ST18: variants seen among roughly 807,000 people sequenced by gnomAD.
ST18 encodes suppression of tumorigenicity 18 protein.
In ST18, 50 loss-of-function variants were observed where a neutral mutation model predicts 110.0. The observed-to-expected ratio is 0.45, with a 90% CI of 0.36 to 0.58. The LOEUF (loss-of-function observed/expected upper bound fraction) is 0.58. ST18 is among the 20% of genes least tolerant of loss of function. The pLI is 0.00. For synonymous variants in ST18, 461 were observed against 452.4 expected (o/e 1.02, Z -0.24); for missense variants, 1,306 against 1,280.1 (o/e 1.02, Z -0.31).
At chr8:52,301,378 T>C (rs1184205182) in intron 2 of ST18, among the ~76,000 whole-genome samples, 1 of 152,206 alleles carries the variant, frequency 6.6e-6, no homozygotes, top group Non-Finnish European at 1.5e-5. Flanking sequence ...TATAAACAAG[T>C]ACTATCTTCT....
chr8:52,195,883 A>T (rs1433769258), intron 8 of ST18, among the ~76,000 whole-genome samples: 2 of 152,196 alleles, frequency 1.3e-5, no homozygotes, highest in African/African-American at 4.8e-5. Context: ...ATGCCACAAT[A>T]ATGGGGGATA....
chr8:52,167,992 T>C (rs773954025), intron 10 of ST18, among the ~76,000 whole-genome samples: 6 of 151,916 alleles, frequency 3.9e-5, no homozygotes, highest in Non-Finnish European at 8.8e-5. Flanking sequence ...CTAACACAGA[T>C]GAGGCCTTAT....
chr8:52,120,377 A>G (rs1316084426), intron 23 of ST18, among the ~76,000 whole-genome samples: 2 of 152,200 alleles, frequency 1.3e-5, no homozygotes, highest in South Asian at 2.1e-4. Flanking sequence ...TTCTTACATA[A>G]TATCTGGTGA....
Position 52,124,421 on chromosome 8 carries a change from G to A in ST18, c.2755+1631C>T, listed in dbSNP as rs145680898. Among the ~76,000 whole-genome samples the A allele has an allele frequency of 7.9e-4, 120 of 152,080 alleles. No homozygotes were observed. In the East Asian group the frequency reaches 0.017, roughly 21 times the overall value. ...GATCTCCTGATCTCGTGATCTGCCC[G>A]CCTCGGCCTCCCAAAGTGCTGGGAT... is the stretch of plus-strand genomic sequence containing the variant. On this transcript the variant is annotated intron_variant, in intron 23 of 25. Coordinates refer to ENST00000689386, the MANE Select transcript of ST18 (RefSeq NM_001352837.2).
At chr8:52,170,285 G>A (rs1451272736) in intron 10 of ST18, among the ~76,000 whole-genome samples, 3 of 152,164 alleles carry the variant, frequency 2.0e-5, no homozygotes, top group Middle Eastern at 3.4e-3. Context: ...GGGAAACCCC[G>A]TCTCTACTGA....
chr8:52,303,246 T>C (rs2095758054), intron 2 of ST18, among the ~76,000 whole-genome samples: 1 of 152,266 alleles, frequency 6.6e-6, no homozygotes, highest in Non-Finnish European at 1.5e-5. Context: ...TGCCATTTCT[T>C]GCCTCCAGTG....
At chr8:52,115,561 T>C (rs1357968993) in intron 25 of ST18, among the ~76,000 whole-genome samples, 3 of 152,142 alleles carry the variant, frequency 2.0e-5, no homozygotes, top group South Asian at 4.1e-4. Context: ...GCTGCACAGG[T>C]GGGTAACCTC....
chr8:52,134,005 A>G (rs1407464099), intron 19 of ST18, among the ~76,000 whole-genome samples: 5 of 152,208 alleles, frequency 3.3e-5, no homozygotes, highest in African/African-American at 1.2e-4. Flanking sequence ...CTCTGGGATT[A>G]CAGGCGTGAG....
At position 52,111,998 on chromosome 8, in the gene ST18, G is replaced by A. The variant is rs963047757; in HGVS notation, c.*1200C>T. ...TGTGTGTGAGTATGCCTGTGTGTGT[G>A]AGTGTGTGTGTATATTTTGTAGCAT... On this transcript the variant is annotated 3_prime_UTR_variant, in exon 26 of 26. Transcript: ENST00000689386. 1 of 152,244 alleles carries A rather than the reference G, an allele frequency of 6.6e-6. No individual in the cohort carries two copies. Among genetic ancestry groups the A allele is most frequent in the African/African-American group, 2.4e-5 (1 of 41,260 alleles). 9.4% of individuals were successfully genotyped at this position (152,244 alleles called of 1,614,324 possible).
chr8:52,174,855 C>T (rs933063621), intron 9 of ST18, among the ~76,000 whole-genome samples: 4 of 152,164 alleles, frequency 2.6e-5, no homozygotes, highest in African/African-American at 7.2e-5. Context: ...CAGGCTTTCA[C>T]TGGAGTCATA....
intron 23 of ST18, among the ~76,000 whole-genome samples, chr8:52,119,262 T>C (rs1016966277): frequency 2.6e-5 from 4 of 152,312 alleles, no homozygotes; most frequent in African/African-American, 9.6e-5. Context: ...TTATTTCCCA[T>C]GATTACTTTG....
chr8:52,344,107 C>A (rs940326349), intron 2 of ST18, among the ~76,000 whole-genome samples: 1 of 151,938 alleles, frequency 6.6e-6, no homozygotes, highest in South Asian at 2.1e-4. Context: ...TACTAAGGTA[C>A]GAAATCAATT....
chr8:52,203,433 T>C (rs1223215905), intron 8 of ST18, among the ~76,000 whole-genome samples: 6 of 152,130 alleles, frequency 3.9e-5, no homozygotes, highest in Admixed American at 3.9e-4. Context: ...CGAGGGTTTG[T>C]AGTAGAGTTT....
At chr8:52,180,779 T>A (rs1471187032) in intron 8 of ST18, among the ~76,000 whole-genome samples, 1 of 152,202 alleles carries the variant, frequency 6.6e-6, no homozygotes, top group East Asian at 1.9e-4. Context: ...AAATGTCACA[T>A]ATCTTGGACT....
At chr8:52,237,722 C>CA (rs1268069908) in intron 2 of ST18, among the ~76,000 whole-genome samples, 3 of 152,152 alleles carry the variant, frequency 2.0e-5, no homozygotes, top group African/African-American at 7.2e-5. Context: ...TGCAATGGGA[C>CA]AATAATGTAG....
chr8:52,368,128 A>G (rs1436482007), intron 2 of ST18, among the ~76,000 whole-genome samples: 1 of 152,150 alleles, frequency 6.6e-6, no homozygotes, highest in East Asian at 1.9e-4. Flanking sequence ...GAAAAATTCT[A>G]ACAAGTTTTA....
intron 2 of ST18, among the ~76,000 whole-genome samples, chr8:52,396,610 G>C (rs1021888851): frequency 5.3e-5 from 8 of 152,140 alleles, no homozygotes; most frequent in African/African-American, 1.9e-4. Context: ...TGGCAGAAGG[G>C]GAAGCAAACA....
intron 2 of ST18, among the ~76,000 whole-genome samples, chr8:52,251,521 T>C (rs998707356): frequency 3.3e-5 from 5 of 152,078 alleles, no homozygotes; most frequent in African/African-American, 1.2e-4. Flanking sequence ...TTTTAAATCA[T>C]TGAAGTGATT....
chr8:52,224,620 A>C (rs1290893300), intron 3 of ST18, among the ~76,000 whole-genome samples: 1 of 152,222 alleles, frequency 6.6e-6, no homozygotes, highest in Non-Finnish European at 1.5e-5. Flanking sequence ...CTCTGCAGGA[A>C]AAACAGCTCC....
Sources: allele counts gnomAD v4.1 joint callset (sites outside exome capture counted in the v4.1 genomes callset), GRCh38; gene constraint gnomAD v4.1.1; transcripts MANE v1.5; gene names NCBI Gene and HGNC (gene_info 2026-07-23, HGNC 2026-07-21).